EPHA2: variants seen among roughly 807,000 people sequenced by gnomAD.
The protein encoded by EPHA2 is EPH receptor A2.
EPHA2 carries 54 observed loss-of-function variants against 104.9 expected under a neutral mutation model. That is an observed-to-expected ratio of 0.51 (90% confidence interval 0.41 to 0.65). The LOEUF is 0.65. Among genes scored for constraint, EPHA2 ranks in the 30% least tolerant of loss-of-function variants. EPHA2 has a pLI of 0.00. For synonymous variants in EPHA2, 560 were observed against 559.1 expected (o/e 1.00, Z -0.02); for missense variants, 1,117 against 1,369.5 (o/e 0.82, Z 2.91).
At position 16,138,014 on chromosome 1, in the gene EPHA2, C is replaced by A; in HGVS notation, c.1151G>T (p.Arg384Leu). 1 of 1,613,806 alleles carries A rather than the reference C, an allele frequency of 6.2e-7. No homozygotes were observed. Among genetic ancestry groups the A allele is most frequent in the South Asian group, 1.1e-5 (1 of 91,086 alleles). Residue 384 changes from arginine to leucine, a missense_variant, in exon 5 of 17, where the codon CGC (arginine) becomes CTC (leucine). Around this residue, in one of 3 missense-constraint regions of EPHA2, gnomAD observed 664 missense variants for 784.8 expected, o/e 0.85. Coordinates refer to ENST00000358432, the MANE Select transcript of EPHA2 (RefSeq NM_004431.5). ...CAGTCCGTGAGGAGGCTCCGAGTAG[C>A]GCACACTGGCCTCACACGGCCCGCA... Reference protein sequence around the residue: ...GECGPCEASVRYSEPPHGLTR... With the variant: ...GECGPCEASVLYSEPPHGLTR...
At chr1:16,153,905 C>T (rs963156343) in intron 1 of EPHA2, among the ~76,000 whole-genome samples, 1 of 152,066 alleles carries the variant, frequency 6.6e-6, no homozygotes, top group Non-Finnish European at 1.5e-5. Context: ...GCCATCATGC[C>T]CACCCCCACC....
intron 1 of EPHA2, chr1:16,155,424 T>A (rs2025138916): frequency 7.1e-6 from 1 of 141,036 alleles, no homozygotes; most frequent in Non-Finnish European, 1.5e-5. Flanking sequence ...ATGCGAGGCC[T>A]GCACAGTATG....
intron 8 of EPHA2, 25 bp from the exon 9 acceptor site, chr1:16,133,940 A>C: frequency 6.5e-7 from 1 of 1,550,386 alleles, no homozygotes; most frequent in Non-Finnish European, 8.7e-7. Flanking sequence ...CGGGGAACCA[A>C]ATGCAGGGAG....
intron 1 of EPHA2, among the ~76,000 whole-genome samples, chr1:16,152,629 G>T (rs758229957): frequency 9.2e-5 from 14 of 152,204 alleles, no homozygotes; most frequent in Non-Finnish European, 1.6e-4. Context: ...GGAGGCTCCT[G>T]ATTTCAGCTG....
Position 16,135,648 on chromosome 1 carries a change from G to A in EPHA2, c.1428+7C>T, listed in dbSNP as rs1395812470. 3 of 1,613,578 alleles carry A rather than the reference G, an allele frequency of 1.9e-6. No homozygotes were observed. Among genetic ancestry groups the A allele is most frequent in the African/African-American group, 2.7e-5 (2 of 75,022 alleles). On this transcript the variant is annotated splice_region_variant and intron_variant, in intron 6 of 16. Coordinates refer to ENST00000358432, the MANE Select transcript of EPHA2 (RefSeq NM_004431.5). This position sits in a 1 kb window ranked among gnomAD's most constrained non-coding sequence, Gnocchi z 4.3. ...GCTAGAGCCAGCCCCGCCCCTCTGG[G>A]AGTTACCTTCTTGCGGTAAGTGACC...
Position 16,129,519 on chromosome 1 carries a change from C to A in EPHA2, c.2740G>T (p.Glu914Ter), listed in dbSNP as rs2124193076. The A allele has an allele frequency of 1.9e-6, 3 of 1,613,746 alleles. No individual in the cohort carries two copies. The highest frequency in any genetic ancestry group is 2.5e-6 in the Non-Finnish European group (3 of 1,180,020). ...VPFRTVSEWLESIKMQQYTEH... is the reference protein window; with the variant it reads ...VPFRTVSEWL ...GTATACTGCTGCATCTTGATGGACT[C>A]CAGCCACTCGGACACCGTGCGGAAG... Residue 914 changes from glutamate (E) to a stop codon, truncating the protein, a stop_gained, in exon 16 of 17, where the codon GAG becomes TAG. Coordinates refer to ENST00000358432, the MANE Select transcript of EPHA2 (RefSeq NM_004431.5). LOFTEE classifies it high-confidence loss of function.
chr1:16,152,056 A>C (rs559839186), intron 1 of EPHA2, among the ~76,000 whole-genome samples: 24 of 152,338 alleles, frequency 1.6e-4, no homozygotes, highest in Admixed American at 4.6e-4. Context: ...CTAGAGGGTA[A>C]GGAGATAGGA....
rs916092447 is a variant in EPHA2 at position 16,128,969 on chromosome 1, C to G, written c.2825+465G>C. On this transcript the variant is annotated intron_variant, in intron 16 of 16. Transcript: ENST00000358432. This position sits in a 1 kb window ranked among gnomAD's most constrained non-coding sequence, Gnocchi z 4.7. Reference sequence around the variant, plus strand: ...CCTGTTTCTCTACCAATGACCTCTCCGATCCCTGCGCTCTGGGATCCCGAC... The same window carrying G: ...CCTGTTTCTCTACCAATGACCTCTCGGATCCCTGCGCTCTGGGATCCCGAC... Among the ~76,000 whole-genome samples the G allele has an allele frequency of 6.6e-6, 1 of 151,892 alleles. No individual in the cohort carries two copies. The highest frequency in any genetic ancestry group is 1.5e-5 in the Non-Finnish European group (1 of 67,976).
rs371528900 is a variant in EPHA2 at position 16,127,069 on chromosome 1, G to A, written c.2826-1749C>T. On this transcript the variant is annotated intron_variant, in intron 16 of 16. Coordinates refer to ENST00000358432, the MANE Select transcript of EPHA2 (RefSeq NM_004431.5). ...ACAGGATGGGAGCACAGTTTGCTTT[G>A]GAGGCCCTGCGTAGAAAACTCCAAG... Among the ~76,000 whole-genome samples, 175 of 152,312 alleles carry A rather than the reference G, an allele frequency of 1.1e-3. 6 individuals are homozygous for A. The South Asian group carries it at 0.035, about 30-fold the overall frequency.
At chr1:16,146,923 A>AG (rs1438152246) in intron 3 of EPHA2, among the ~76,000 whole-genome samples, 4 of 152,208 alleles carry the variant, frequency 2.6e-5, no homozygotes, top group African/African-American at 4.8e-5. Context: ...ACCAGAGATG[A>AG]GGGGGGAGTT....
At position 16,132,252 on chromosome 1, in the gene EPHA2, C is replaced by T. The variant is rs368263231; in HGVS notation, c.2137G>A (p.Val713Met). Reference protein sequence around the residue: ...FLREKDGEFSVLQLVGMLRGI... With the variant: ...FLREKDGEFSMLQLVGMLRGI... ...CGCAGCATGCCCACCAGCTGCAGCA[C>T]GCTGAACTCGCCATCCTTCTCCTGC... is the stretch of plus-strand genomic sequence containing the variant. Residue 713 changes from valine to methionine, a missense_variant, in exon 13 of 17, where the codon GTG becomes ATG. Around this residue, in one of 3 missense-constraint regions of EPHA2, gnomAD observed 340 missense variants for 480.5 expected, o/e 0.71. Coordinates refer to ENST00000358432, the MANE Select transcript of EPHA2 (RefSeq NM_004431.5). 34 of 1,614,010 alleles carry T rather than the reference C, an allele frequency of 2.1e-5. No homozygotes were observed. The highest frequency in any genetic ancestry group is 4.5e-5 in the East Asian group (2 of 44,906).
intron 1 of EPHA2, among the ~76,000 whole-genome samples, chr1:16,152,350 A>G (rs1376958344): frequency 1.3e-5 from 2 of 152,154 alleles, no homozygotes; most frequent in African/African-American, 4.8e-5. Context: ...CCTGGGCTGA[A>G]GGCCCCCAGG....
At position 16,148,955 on chromosome 1, in the gene EPHA2, G is replaced by A; in HGVS notation, c.246C>T (p.Arg82=). 2 of 1,614,138 alleles carry A rather than the reference G, an allele frequency of 1.2e-6. No homozygotes were observed. Among genetic ancestry groups the A allele is most frequent in the South Asian group, 2.2e-5 (2 of 91,086 alleles). ...VMSGDQDNWL[R]TNWVYRGEAE... ...CCTCTCCTCGGTACACCCAGTTGGT[G>A]CGGAGCCAGTTGTCCTGGTCGCCAG... The change falls in exon 3 of 17, where the codon CGC becomes CGT. Residue 82 remains arginine, a synonymous_variant. Transcript: ENST00000358432. The surrounding 1 kb of genome is among the most constrained non-coding windows in gnomAD (Gnocchi z 4.9).
Position 16,138,410 on chromosome 1 carries a change from T to TA in EPHA2, c.843dup (p.Lys282Ter), listed in dbSNP as rs2124229667. On this transcript the variant is annotated frameshift_variant, in exon 4 of 17. Coordinates refer to ENST00000358432, the MANE Select transcript of EPHA2 (RefSeq NM_004431.5). LOFTEE classifies it high-confidence loss of function. ...CAGGGGCTCTCAGATGCCTCAAACT[T>TA]AAAAAATCCAGGCGAGCAGGCTGGT... 6.2e-7 allele frequency: 1 copy of TA among 1,613,646 alleles called. No homozygotes were observed. The highest frequency in any genetic ancestry group is 8.5e-7 in the Non-Finnish European group (1 of 1,179,986).
intron 1 of EPHA2, among the ~76,000 whole-genome samples, chr1:16,153,755 G>A (rs147790977): frequency 6.6e-6 from 1 of 152,286 alleles, no homozygotes; most frequent in Non-Finnish European, 1.5e-5. Flanking sequence ...GGGTGAGGGG[G>A]CAAGAAAGAA....
intron 3 of EPHA2, 55 bp from the exon 4 acceptor site, chr1:16,138,485 C>T: frequency 6.2e-7 from 1 of 1,610,822 alleles, no homozygotes; most frequent in Non-Finnish European, 8.5e-7. Flanking sequence ...CTGCTTCCAC[C>T]CCACGTGACT....
At chr1:16,151,093 T>C in intron 1 of EPHA2, 130 bp from the exon 2 acceptor site, 1 of 813,590 alleles carries the variant, frequency 1.2e-6, no homozygotes, top group Non-Finnish European at 2.0e-6. Flanking sequence ...CCACACAGGG[T>C]CACCATATCC....
intron 1 of EPHA2, chr1:16,153,178 G>GTT: frequency 1.0e-6 from 1 of 984,786 alleles, no homozygotes. Context: ...GAGTTCCACC[G>GTT]TAAGTGCCAT....
chr1:16,138,498 C>T, intron 3 of EPHA2, 68 bp from the exon 4 acceptor site: 1 of 1,607,174 alleles, frequency 6.2e-7, no homozygotes, highest in African/African-American at 1.3e-5. Flanking sequence ...ACGTGACTGT[C>T]TCATTCCCTC....
Sources: gnomAD v4.1 joint callset for allele counts (sites outside exome capture counted in the v4.1 genomes callset) on GRCh38, gnomAD v4.1.1 for gene constraint, gnomAD v4.1.1 regional missense constraint, Gnocchi (gnomAD v3.1) non-coding constraint, MANE v1.5 for transcripts, NCBI Gene and HGNC (gene_info 2026-07-23, HGNC 2026-07-21) for gene names.